Variants in UGT1A10 observed in about 807,000 individuals in gnomAD.
UGT1A10 encodes UDP-glucuronosyltransferase 1A10.
A neutral mutation model predicts 45.8 loss-of-function variants in UGT1A10; 49 were observed. That is an observed-to-expected ratio of 1.07 (90% confidence interval 0.85 to 1.36). UGT1A10 has a LOEUF of 1.36. Among genes scored for constraint, UGT1A10 ranks in the 40% most tolerant of loss-of-function variants. The pLI is 0.00. For missense variants in UGT1A10, 745 were observed against 668.6 expected (o/e 1.11, Z -1.26); for synonymous variants, 284 against 249.7 (o/e 1.14, Z -1.29).
At chr2:233,724,375 C>T (rs1318597710) in intron 1 of UGT1A10, among the ~76,000 whole-genome samples, 19 of 143,100 alleles carry the variant, frequency 1.3e-4, no homozygotes, top group South Asian at 7.3e-4. Context: ...GGGTGGCTGC[C>T]GGGCGGAGAC....
At position 233,719,232 on chromosome 2, in the gene UGT1A10, A is replaced by G. The variant is rs1490347566; in HGVS notation, c.856-47802A>G. 6 of 1,614,104 alleles carry G rather than the reference A, an allele frequency of 3.7e-6. No individual in the cohort carries two copies. In the African/African-American group the frequency reaches 8.0e-5, roughly 22 times the overall value. On this transcript the variant is annotated intron_variant, in intron 1 of 4. Coordinates refer to ENST00000344644, the MANE Select transcript of UGT1A10 (RefSeq NM_019075.4). The stretch of plus-strand genomic sequence containing the variant: ...GGAGCTACTGCATAATGAGGCCCTG[A>G]TCAGGCACCTGAATGCTACTTCCTT...
At chr2:233,688,422 C>T (rs1255544114) in intron 1 of UGT1A10, among the ~76,000 whole-genome samples, 1 of 152,236 alleles carries the variant, frequency 6.6e-6, no homozygotes, top group Non-Finnish European at 1.5e-5. Context: ...ATGTGCCTAA[C>T]CTCTATACCT....
At chr2:233,737,362 C>G (rs1215274347) in intron 1 of UGT1A10, among the ~76,000 whole-genome samples, 2 of 152,208 alleles carry the variant, frequency 1.3e-5, no homozygotes, top group East Asian at 3.9e-4. Context: ...AGCTGCTAAG[C>G]CAGGCAGGGG....
At position 233,671,902 on chromosome 2, in the gene UGT1A10, T is replaced by G. The variant is rs377206386; in HGVS notation, c.855+34525T>G. On this transcript the variant is annotated intron_variant, in intron 1 of 4. Coordinates refer to ENST00000344644, the MANE Select transcript of UGT1A10 (RefSeq NM_019075.4). ...CCTACTGTATCATAGGAGCTTAGAT[T>G]CCCAGCTGCTTGCTCTCAGCTGCAG... 234 of 1,575,526 alleles carry G rather than the reference T, an allele frequency of 1.5e-4. No homozygotes were observed. The African/African-American group carries it at 2.8e-3, about 19-fold the overall frequency.
At chr2:233,667,414 T>A (rs1300921056) in intron 1 of UGT1A10, among the ~76,000 whole-genome samples, 2 of 152,090 alleles carry the variant, frequency 1.3e-5, no homozygotes. Flanking sequence ...TGTTAGACCT[T>A]AAACCATAAA....
intron 1 of UGT1A10, among the ~76,000 whole-genome samples, chr2:233,710,901 G>C (rs2076153104): frequency 6.6e-6 from 1 of 152,218 alleles, no homozygotes; most frequent in African/African-American, 2.4e-5. Flanking sequence ...GGTTTGGGTG[G>C]AAAGAGGTCT....
intron 1 of UGT1A10, among the ~76,000 whole-genome samples, chr2:233,738,177 G>A (rs1690719124): frequency 1.3e-5 from 2 of 152,158 alleles, no homozygotes; most frequent in Non-Finnish European, 2.9e-5. Context: ...TTTCATGTAA[G>A]ACGTGTCTTT....
intron 1 of UGT1A10, among the ~76,000 whole-genome samples, chr2:233,710,005 G>C (rs1294039460): frequency 6.6e-6 from 1 of 152,198 alleles, no homozygotes; most frequent in African/African-American, 2.4e-5. Context: ...ATACAATTAT[G>C]AATGAAAAAC....
At chr2:233,703,805 ATCTCTG>A in intron 1 of UGT1A10, among the ~76,000 whole-genome samples, 1 of 137,048 alleles carries the variant, frequency 7.3e-6, no homozygotes, top group East Asian at 1.9e-4. Context: ...CAGTCTGATA[ATCTCTG>A]TCTTTTAATT....
intron 1 of UGT1A10, among the ~76,000 whole-genome samples, chr2:233,651,544 A>C (rs2073741848): frequency 6.6e-6 from 1 of 152,216 alleles, no homozygotes; most frequent in Non-Finnish European, 1.5e-5. Context: ...GAAAATTCTC[A>C]AAGAGGAATT....
rs2126030402 is a variant in UGT1A10 at position 233,767,100 on chromosome 2, G to A, written c.922G>A (p.Val308Ile). 1 of 1,614,092 alleles carries A rather than the reference G, an allele frequency of 6.2e-7. No homozygotes were observed. The highest frequency in any genetic ancestry group is 8.5e-7 in the Non-Finnish European group (1 of 1,180,010). Residue 308 changes from valine to isoleucine, a missense_variant, in exon 2 of 5, where the codon GTC (valine) becomes ATC (isoleucine). Val to Ile is a conservative substitution (Grantham distance 29). Coordinates refer to ENST00000344644, the MANE Select transcript of UGT1A10 (RefSeq NM_019075.4). ...TGTGGTTTTCTCTTTGGGATCAATGGTCTCAGAAATTCCAGAGAAGAAAGC... is the reference window on the plus strand; with the variant it reads ...TGTGGTTTTCTCTTTGGGATCAATGATCTCAGAAATTCCAGAGAAGAAAGC... The part of the protein sequence containing the change: ...GIVVFSLGSM[V>I]SEIPEKKAMA...
intron 1 of UGT1A10, chr2:233,690,534 A>C (rs1240259112): frequency 3.1e-6 from 4 of 1,287,984 alleles, no homozygotes; most frequent in Non-Finnish European, 4.0e-6. Flanking sequence ...TACTTCTTTC[A>C]CCCCACTGGA....
intron 1 of UGT1A10, among the ~76,000 whole-genome samples, chr2:233,702,928 C>G (rs2075715316): frequency 6.6e-6 from 1 of 152,064 alleles, no homozygotes; most frequent in South Asian, 2.1e-4. Context: ...TCTTGCGGAG[C>G]CTTGGTCTGT....
chr2:233,676,432 C>T (rs1004172239), intron 1 of UGT1A10, among the ~76,000 whole-genome samples: 14 of 152,216 alleles, frequency 9.2e-5, no homozygotes, highest in Admixed American at 6.5e-5. Context: ...ATTGTTAAAT[C>T]TCATGTTTCT....
At position 233,697,083 on chromosome 2, in the gene UGT1A10, CT is replaced by C. The variant is rs529192825; in HGVS notation, c.855+59707del. 1.1e-4 allele frequency among the ~76,000 whole-genome samples: 16 copies of C among 152,102 alleles called. No homozygotes were observed. In the East Asian group the frequency reaches 3.1e-3, roughly 29 times the overall value. On this transcript the variant is annotated intron_variant, in intron 1 of 4. Coordinates refer to ENST00000344644, the MANE Select transcript of UGT1A10 (RefSeq NM_019075.4). ...GTCTGGTTTTGGTATCAGGGTAACA[CT>C]GGTCTCACAGGATGAGTTTGGAAGT...
chr2:233,673,180 A>G (rs555192366), intron 1 of UGT1A10, among the ~76,000 whole-genome samples: 22 of 152,340 alleles, frequency 1.4e-4, no homozygotes, highest in African/African-American at 4.8e-4. Context: ...TATATACAAT[A>G]TCTAATGTAA....
chr2:233,730,905 A>T (rs1322657764), intron 1 of UGT1A10, among the ~76,000 whole-genome samples: 1 of 152,098 alleles, frequency 6.6e-6, no homozygotes, highest in East Asian at 1.9e-4. Flanking sequence ...CCTTTACCAA[A>T]AATTTCAGAG....
At chr2:233,719,401 T>C in intron 1 of UGT1A10, 3 of 1,614,018 alleles carry the variant, frequency 1.9e-6, no homozygotes, top group South Asian at 1.1e-5. Context: ...TCCTCCTATA[T>C]TCCTAAGTTA....
intron 1 of UGT1A10, chr2:233,693,996 G>T: frequency 6.6e-7 from 1 of 1,508,252 alleles, no homozygotes; most frequent in African/African-American, 1.4e-5. Context: ...GTGATACCCG[G>T]CTCGGAGCAG....
Sources: allele counts gnomAD v4.1 joint callset (sites outside exome capture counted in the v4.1 genomes callset), GRCh38; gene constraint gnomAD v4.1.1; transcripts MANE v1.5; gene names NCBI Gene and HGNC (gene_info 2026-07-23, HGNC 2026-07-21).